The following PCDHA5 variants were observed in gnomAD, a reference collection of about 807,000 sequenced individuals.
PCDHA5 encodes protocadherin alpha 5.
In PCDHA5, 43 loss-of-function variants were observed where a neutral mutation model predicts 61.6. The ratio of observed to expected loss-of-function variants is 0.70; its 90% CI spans 0.55 to 0.90. The LOEUF is 0.90. Among genes scored for constraint, PCDHA5 ranks in the 40% least tolerant of loss-of-function variants. The pLI, the probability that PCDHA5 is intolerant of heterozygous loss-of-function variation, is 0.00. For synonymous variants in PCDHA5, 627 were observed against 543.9 expected (o/e 1.15, Z -2.13); for missense variants, 1,298 against 1,222.7 (o/e 1.06, Z -0.92).
At chr5:140,910,641 C>T (rs1270893523) in intron 1 of PCDHA5, among the ~76,000 whole-genome samples, 1 of 152,206 alleles carries the variant, frequency 6.6e-6, no homozygotes, top group Non-Finnish European at 1.5e-5. Flanking sequence ...CTCCCTAAAC[C>T]TTTTGATCCC....
chr5:141,009,878 A>G lies in PCDHA5; in HGVS notation c.2752A>G (p.Asn918Asp). Residue 918 changes from asparagine to aspartate, a missense_variant, in exon 4 of 4, where the codon AAC (asparagine) becomes GAC (aspartate). Coordinates refer to ENST00000529859, the MANE Select transcript of PCDHA5 (RefSeq NM_018908.3). ...TKKKKKKKKG[N>D]KTQEKKEKGN... ...GAAAAAGAAGAAAAAGAAGAAGGGT[A>G]ACAAGACCCAGGAGAAAAAAGAGAA... is the stretch of plus-strand genomic sequence containing the variant. 4 of 1,613,898 alleles carry G rather than the reference A, an allele frequency of 2.5e-6. No homozygotes were observed. Among genetic ancestry groups the G allele is most frequent in the South Asian group, 1.1e-5 (1 of 91,050 alleles).
chr5:140,939,886 T>C (rs1165679302), intron 1 of PCDHA5, among the ~76,000 whole-genome samples: 1 of 152,242 alleles, frequency 6.6e-6, no homozygotes, highest in Non-Finnish European at 1.5e-5. Flanking sequence ...AGTTGTGTTG[T>C]TCAAATATTC....
At chr5:140,854,998 A>G (rs2043301191) in intron 1 of PCDHA5, among the ~76,000 whole-genome samples, 1 of 149,868 alleles carries the variant, frequency 6.7e-6, no homozygotes, top group East Asian at 1.9e-4. Flanking sequence ...TTGCCCGTGT[A>G]AGATATTATA....
At position 140,927,469 on chromosome 5, in the gene PCDHA5, C is replaced by G. The variant is rs17844359; in HGVS notation, c.2353-51480C>G. ...GTTGGTGTTGGAGAAAGCACTGGATCGCGAACAGCGCGCCACCCACCTGCT... is the reference window on the plus strand; with the variant it reads ...GTTGGTGTTGGAGAAAGCACTGGATGGCGAACAGCGCGCCACCCACCTGCT... On this transcript the variant is annotated intron_variant, in intron 1 of 3. Transcript: ENST00000529859. 39 of 1,613,964 alleles carry G rather than the reference C, an allele frequency of 2.4e-5. No individual in the cohort carries two copies. The highest frequency in any genetic ancestry group is 1.3e-4 in the South Asian group (12 of 91,094).
At chr5:140,967,972 G>A (rs781888174) in intron 1 of PCDHA5, 88 of 1,614,072 alleles carry the variant, frequency 5.5e-5, no homozygotes, top group Non-Finnish European at 7.3e-5. Flanking sequence ...AAGTGAGCCT[G>A]GGTCTGGAGG....
At chr5:140,979,168 G>T in intron 2 of PCDHA5, 161 bp downstream of exon 2, 6 of 966,502 alleles carry the variant, frequency 6.2e-6, no homozygotes, top group Non-Finnish European at 7.4e-6. Context: ...TTCCTTGAAA[G>T]ATCGCAAATG....
Position 140,843,085 on chromosome 5 carries a change from C to T in PCDHA5, c.2352+18958C>T, listed in dbSNP as rs2150352201. 8.1e-6 allele frequency: 13 copies of T among 1,595,414 alleles called. 1 individual carries two copies. In the African/African-American group the frequency reaches 1.1e-4, roughly 13 times the overall value. ...TGGTGCCGCGGTCTGTGGGCGCGGGCCACGTGGTAGCGAAGGTGCGCGCAG... is the reference window on the plus strand; with the variant it reads ...TGGTGCCGCGGTCTGTGGGCGCGGGTCACGTGGTAGCGAAGGTGCGCGCAG... On this transcript the variant is annotated intron_variant, in intron 1 of 3. Coordinates refer to ENST00000529859, the MANE Select transcript of PCDHA5 (RefSeq NM_018908.3).
rs782328874 is a variant in PCDHA5, at chr5:141,009,755, C to G, written c.2629C>G (p.Pro877Ala). The G allele has an allele frequency of 6.2e-7, 1 of 1,614,002 alleles. No homozygotes were observed. Among genetic ancestry groups the G allele is most frequent in the African/African-American group, 1.3e-5 (1 of 74,894 alleles). ...TGAGTTGCCCGACAAATTCATTATC[C>G]CAGGATCTCCTGCAATCATCTCCAT... ...PGELPDKFII[P>A]GSPAIISIRQ... Residue 877 changes from proline (P) to alanine (A), a missense_variant, in exon 4 of 4, where the codon CCA becomes GCA. Physicochemically the swap from Pro to Ala is conservative, Grantham distance 27. Coordinates refer to ENST00000529859, the MANE Select transcript of PCDHA5 (RefSeq NM_018908.3).
At chr5:140,928,669 A>C in intron 1 of PCDHA5, 1 of 1,614,160 alleles carries the variant, frequency 6.2e-7, no homozygotes, top group Non-Finnish European at 8.5e-7. Flanking sequence ...CAGTGGTTCT[A>C]ATGCCTGGCT....
At chr5:140,914,290 T>A (rs1412561039) in intron 1 of PCDHA5, among the ~76,000 whole-genome samples, 1 of 152,200 alleles carries the variant, frequency 6.6e-6, no homozygotes, top group Non-Finnish European at 1.5e-5. Context: ...AATTGTTATA[T>A]CCTCTTGCTG....
chr5:140,834,443 T>C (rs1554134210), intron 1 of PCDHA5: 2 of 1,602,170 alleles, frequency 1.2e-6, no homozygotes, highest in Admixed American at 1.7e-5. Flanking sequence ...TTATTATAAT[T>C]CTAGCAGCTT....
chr5:140,911,234 C>T (rs1554194655), intron 1 of PCDHA5, among the ~76,000 whole-genome samples: 1 of 151,890 alleles, frequency 6.6e-6, no homozygotes, highest in East Asian at 1.9e-4. Context: ...TTTCTTCTGG[C>T]AAAAAAAGTT....
chr5:140,823,778 T>A lies in PCDHA5; in HGVS notation c.2003T>A (p.Leu668Gln), dbSNP rs2150129086. 3.1e-6 allele frequency: 5 copies of A among 1,613,772 alleles called. No individual in the cohort carries two copies. The Admixed American group carries it at 8.3e-5, about 27-fold the overall frequency. The change falls in exon 1 of 4, where the codon CTG (leucine) becomes CAG (glutamine). Residue 668 changes from leucine (L) to glutamine (Q), a missense_variant. Physicochemically the swap from Leu to Gln is moderately radical, Grantham distance 113. Coordinates refer to ENST00000529859, the MANE Select transcript of PCDHA5 (RefSeq NM_018908.3). ...LTATATVLVSLVESGQAPKAS... is the reference protein window; with the variant it reads ...LTATATVLVSQVESGQAPKAS... ...GCCACAGCCACAGTGCTGGTGTCGC[T>A]GGTGGAAAGTGGCCAGGCGCCGAAG...
chr5:140,958,492 A>G (rs2095426229), intron 1 of PCDHA5, among the ~76,000 whole-genome samples: 1 of 152,112 alleles, frequency 6.6e-6, no homozygotes, highest in Non-Finnish European at 1.5e-5. Context: ...AAGTCCACAT[A>G]TCCTAGGAGG....
chr5:140,843,123 C>T lies in PCDHA5; in HGVS notation c.2352+18996C>T, dbSNP rs2150353254. ...AAGGTGCGCGCAGTGGACGCCGACT[C>T]GGGCTACAACGCGTGGCTTTCGTAT... On this transcript the variant is annotated intron_variant, in intron 1 of 3. Transcript: ENST00000529859. 18 of 1,595,788 alleles carry T rather than the reference C, an allele frequency of 1.1e-5. No homozygotes were observed. The East Asian group carries it at 3.6e-4, about 32-fold the overall frequency.
At chr5:140,877,946 C>G in intron 1 of PCDHA5, 1 of 1,349,558 alleles carries the variant, frequency 7.4e-7, no homozygotes, top group South Asian at 1.7e-5. Context: ...TTTAAACTAT[C>G]GAATGTCTCA....
intron 1 of PCDHA5, chr5:140,926,719 A>C: frequency 2.0e-6 from 2 of 986,548 alleles, no homozygotes; most frequent in Non-Finnish European, 2.7e-6. Context: ...AGCCCCGGCA[A>C]TGCCGGCGTT....
chr5:140,885,941 T>G (rs2060783691), intron 1 of PCDHA5, among the ~76,000 whole-genome samples: 1 of 152,196 alleles, frequency 6.6e-6, no homozygotes, highest in Non-Finnish European at 1.5e-5. Flanking sequence ...TTTTTTGACA[T>G]TTTTAATTAA....
At chr5:140,947,095 A>T (rs2094086285) in intron 1 of PCDHA5, among the ~76,000 whole-genome samples, 1 of 151,642 alleles carries the variant, frequency 6.6e-6, no homozygotes, top group Non-Finnish European at 1.5e-5. Flanking sequence ...ACTGTAGCCC[A>T]TAAATAGGTA....
Sources: gnomAD v4.1 joint callset for allele counts (sites outside exome capture counted in the v4.1 genomes callset) on GRCh38, gnomAD v4.1.1 for gene constraint, MANE v1.5 for transcripts, NCBI Gene and HGNC (gene_info 2026-07-23, HGNC 2026-07-21) for gene names.